POLQ: variants seen among roughly 807,000 people sequenced by gnomAD.
The protein encoded by POLQ is epididymis secretory sperm binding protein.
Under a neutral mutation model 259.2 loss-of-function variants are expected in POLQ, and 233 were observed. The observed-to-expected ratio is 0.90, with a 90% confidence interval of 0.81 to 1.00. POLQ has a LOEUF of 1.00. Ranked by LOEUF, POLQ falls within the 50% of genes least tolerant of loss-of-function variation. POLQ has a pLI of 0.00. For synonymous variants in POLQ, 1,025 were observed against 1,048.8 expected, an observed-to-expected ratio of 0.98 and a Z score of 0.44; for missense variants, 2,871 against 3,051.6, an observed-to-expected ratio of 0.94 and a Z score of 1.39.
intron 26 of POLQ, among the ~76,000 whole-genome samples, chr3:121,447,494 T>C (rs905174446): frequency 2.0e-5 from 3 of 152,162 alleles, no homozygotes; most frequent in Admixed American, 6.5e-5. Context: ...TTTATATTTA[T>C]ATCGTATTGT....
At position 121,488,510 on chromosome 3, in the gene POLQ, T is replaced by C; in HGVS notation, c.4421A>G (p.Glu1474Gly). ...ACTTGTTTCAGGAACTGGAAGACAT[T>C]CTCCTTCTACACCAGTGGGAGTTCT... ...QKRTPTGVEG[E>G]CLPVPETSLN... is the part of the protein sequence containing the mutation. The change falls in exon 16 of 30, where the codon GAA becomes GGA. Residue 1474 changes from glutamate to glycine, a missense_variant. Glu to Gly is a moderately conservative substitution (Grantham distance 98). This residue lies in a region of POLQ where 2,080 missense variants were observed against 2,126.0 expected (regional missense o/e 0.98). Transcript: ENST00000264233. 6.2e-7 allele frequency: 1 copy of C among 1,609,468 alleles called. No individual in the cohort carries two copies. The highest frequency in any genetic ancestry group is 8.5e-7 in the Non-Finnish European group (1 of 1,178,430).
In POLQ at chr3:121,533,001, G is replaced by GC. The variant is rs760377056; in HGVS notation, c.948dup (p.Leu317AlafsTer7). 5 of 1,601,124 alleles carry GC rather than the reference G, an allele frequency of 3.1e-6. No homozygotes were observed. The highest frequency in any genetic ancestry group is 4.3e-6 in the Non-Finnish European group (5 of 1,169,688). On this transcript the variant is annotated frameshift_variant, in exon 6 of 30. Transcript: ENST00000264233. LOFTEE classifies it high-confidence loss of function. ...ATATATTGATTTACCTTCACTTGTAGCATGGGCTCAAATTCCCTCACAAGT... is the reference window on the plus strand; with the variant it reads ...ATATATTGATTTACCTTCACTTGTAGCCATGGGCTCAAATTCCCTCACAAGT...
At chr3:121,440,242 A>C (rs559602518) in intron 26 of POLQ, 126 bp from the exon 27 acceptor site, 10 of 636,328 alleles carry the variant, frequency 1.6e-5, no homozygotes, top group Non-Finnish European at 2.6e-5. Flanking sequence ...TCATATCGTC[A>C]AATCAGGCAT....
intron 21 of POLQ, 76 bp from the exon 22 acceptor site, chr3:121,472,240 A>C: frequency 1.5e-6 from 1 of 664,416 alleles, no homozygotes; most frequent in Non-Finnish European, 2.4e-6. Context: ...TTCTGTAAAT[A>C]ATACAGTCTC....
At chr3:121,434,421 T>A (rs932790691) in intron 28 of POLQ, among the ~76,000 whole-genome samples, 1 of 152,234 alleles carries the variant, frequency 6.6e-6, no homozygotes, top group East Asian at 1.9e-4. Flanking sequence ...TCTCCTTTCT[T>A]AAATAGAACT....
At chr3:121,481,938 A>C in intron 18 of POLQ, 126 bp from the exon 19 acceptor site, 1 of 857,760 alleles carries the variant, frequency 1.2e-6, no homozygotes, top group Non-Finnish European at 1.8e-6. Flanking sequence ...ATATTTATTC[A>C]GTGGTCTTCC....
rs72969972 is a variant in POLQ, at chr3:121,471,296, A to C, written c.6718+694T>G. On this transcript the variant is annotated intron_variant, in intron 22 of 29. Coordinates refer to ENST00000264233, the MANE Select transcript of POLQ (RefSeq NM_199420.4). ...ACTTATACGGATGCCCCAGAGGCCT[A>C]CTCAGATTCAACTTGGAGAAATCTT... Among the ~76,000 whole-genome samples the C allele has an allele frequency of 3.3e-3, 501 of 152,182 alleles. 5 individuals are homozygous for C. The highest frequency in any genetic ancestry group is 0.011 in the African/African-American group (476 of 41,518).
rs1560083669 is a variant in POLQ at position 121,440,049 on chromosome 3, CA to C, written c.7331del (p.Leu2444TrpfsTer29). On this transcript the variant is annotated frameshift_variant, in exon 27 of 30. Coordinates refer to ENST00000264233, the MANE Select transcript of POLQ (RefSeq NM_199420.4). LOFTEE classifies it high-confidence loss of function. ...CKRDGFVQTI[L>X]GRRRYLPGIK... Reference sequence around the variant, plus strand: ...TTCCTGGCAAATATCTACGCCTTCCCAAAATGGTCTGAACAAATCCGTCTCT... The same window carrying C: ...TTCCTGGCAAATATCTACGCCTTCCCAAATGGTCTGAACAAATCCGTCTCT... 1 of 1,612,228 alleles carries C rather than the reference CA, an allele frequency of 6.2e-7. No individual in the cohort carries two copies. The highest frequency in any genetic ancestry group is 1.3e-5 in the African/African-American group (1 of 74,898).
chr3:121,545,717 G>A lies in POLQ; in HGVS notation c.161C>T (p.Ala54Val). 2 of 1,557,280 alleles carry A rather than the reference G, an allele frequency of 1.3e-6. No homozygotes were observed. The highest frequency in any genetic ancestry group is 1.7e-6 in the Non-Finnish European group (2 of 1,152,038). Residue 54 changes from alanine (A) to valine (V), a missense_variant and splice_region_variant, in exon 1 of 30, where the codon GCA becomes GTA. Ala to Val is a moderately conservative substitution (Grantham distance 64). Coordinates refer to ENST00000264233, the MANE Select transcript of POLQ (RefSeq NM_199420.4). The part of the protein sequence containing the change: ...GLGRCLKAAA[A>V]GECKPTVPDY... Reference sequence around the variant, plus strand: ...GGCCTCCCGGGTTCCTGGAGCACCTGCAGCTGCGGCCTTCAGGCAGCGACC... The same window carrying A: ...GGCCTCCCGGGTTCCTGGAGCACCTACAGCTGCGGCCTTCAGGCAGCGACC...
At chr3:121,506,317 G>A (rs1366645296) in intron 12 of POLQ, among the ~76,000 whole-genome samples, 1 of 151,376 alleles carries the variant, frequency 6.6e-6, no homozygotes, top group Non-Finnish European at 1.5e-5. Context: ...ACACACAACA[G>A]AACAATGAGC....
At chr3:121,458,429 C>A (rs1576404175) in intron 25 of POLQ, among the ~76,000 whole-genome samples, 1 of 151,728 alleles carries the variant, frequency 6.6e-6, no homozygotes, top group Non-Finnish European at 1.5e-5. Context: ...AAAAGGAAGT[C>A]GGGTGCCCAA....
At chr3:121,451,299 T>C (rs2047673944) in intron 25 of POLQ, among the ~76,000 whole-genome samples, 1 of 152,248 alleles carries the variant, frequency 6.6e-6, no homozygotes, top group Non-Finnish European at 1.5e-5. Flanking sequence ...GTCAAAGTTA[T>C]TCTCCGTCCA....
intron 14 of POLQ, among the ~76,000 whole-genome samples, chr3:121,496,156 C>G (rs2048121291): frequency 6.6e-6 from 1 of 150,820 alleles, no homozygotes; most frequent in African/African-American, 2.4e-5. Flanking sequence ...CGTCCTTCTC[C>G]TCAACAATAT....
chr3:121,480,569 C>T (rs2047962591), intron 19 of POLQ, among the ~76,000 whole-genome samples: 1 of 151,922 alleles, frequency 6.6e-6, no homozygotes, highest in South Asian at 2.1e-4. Context: ...GATCCTCCCA[C>T]CTTAGACTCC....
intron 27 of POLQ, 81 bp downstream of exon 27, chr3:121,439,911 G>C: frequency 8.1e-7 from 1 of 1,229,988 alleles, no homozygotes; most frequent in Non-Finnish European, 1.2e-6. Context: ...CCCTAAAACG[G>C]ATATTTGTAG....
At chr3:121,472,433 C>T (rs1471371633) in intron 21 of POLQ, among the ~76,000 whole-genome samples, 1 of 152,150 alleles carries the variant, frequency 6.6e-6, no homozygotes, top group Non-Finnish European at 1.5e-5. Context: ...AAAGTAACTG[C>T]CTCCCCACAC....
rs781479111 is a variant in POLQ at position 121,487,647 on chromosome 3, T to A, written c.5284A>T (p.Thr1762Ser). The A allele has an allele frequency of 1.9e-6, 3 of 1,613,916 alleles. No individual in the cohort carries two copies. Among genetic ancestry groups the A allele is most frequent in the Admixed American group, 1.7e-5 (1 of 60,022 alleles). Residue 1762 changes from threonine to serine, a missense_variant, in exon 16 of 30, where the codon ACT becomes TCT. Thr to Ser is a moderately conservative substitution (Grantham distance 58). This residue lies in a region of POLQ where 2,080 missense variants were observed against 2,126.0 expected (regional missense o/e 0.98). Coordinates refer to ENST00000264233, the MANE Select transcript of POLQ (RefSeq NM_199420.4). Reference sequence around the variant, plus strand: ...TCACCAGGTTGTAAAACATTATTAGTTTTCCAAGGGTTTACAGGTGTTTCA... The same window carrying A: ...TCACCAGGTTGTAAAACATTATTAGATTTCCAAGGGTTTACAGGTGTTTCA... ...ILETPVNPWK[T>S]NNVLQPGESY...
chr3:121,520,202 A>T lies in POLQ; in HGVS notation c.1256-119T>A, dbSNP rs571729203. 614 of 655,902 alleles carry T rather than the reference A, an allele frequency of 9.4e-4. 12 individuals carry two copies. The South Asian group carries it at 0.012, about 13-fold the overall frequency. 40.6% of individuals were successfully genotyped at this position (655,902 alleles called of 1,614,324 possible). A position where few individuals can be genotyped will look rare whatever the true frequency, so the allele number is the denominator to read the frequency against. ...TCTGAAGATTTTTGAAACTATTGTTATGACTGTTGACAAAGGAGTCATCAC... is the reference window on the plus strand; with the variant it reads ...TCTGAAGATTTTTGAAACTATTGTTTTGACTGTTGACAAAGGAGTCATCAC... On this transcript the variant is annotated intron_variant, in intron 8 of 29. Coordinates refer to ENST00000264233, the MANE Select transcript of POLQ (RefSeq NM_199420.4).
At chr3:121,503,763 TATA>T (rs2048190106) in intron 12 of POLQ, among the ~76,000 whole-genome samples, 1 of 152,210 alleles carries the variant, frequency 6.6e-6, no homozygotes, top group Non-Finnish European at 1.5e-5. Flanking sequence ...CTAGCGTAAT[TATA>T]ATACCTAATA....
Sources: allele counts gnomAD v4.1 joint callset (sites outside exome capture counted in the v4.1 genomes callset), GRCh38; gene constraint gnomAD v4.1.1; regional missense constraint gnomAD v4.1.1; transcripts MANE v1.5; gene names NCBI Gene and HGNC (gene_info 2026-07-23, HGNC 2026-07-21).